The following CNTN5 variants were observed in gnomAD, a reference collection of about 807,000 sequenced individuals.
The protein encoded by CNTN5 is contactin-5.
Under a neutral mutation model 129.1 loss-of-function variants are expected in CNTN5, and 77 were observed. The ratio of observed to expected loss-of-function variants is 0.60; its 90% CI spans 0.50 to 0.72. The LOEUF (loss-of-function observed/expected upper bound fraction) is 0.72, where lower values mean the gene tolerates loss of function less well. Among genes scored for constraint, CNTN5 ranks in the 30% least tolerant of loss-of-function variants. The pLI is 0.00. For synonymous variants in CNTN5, 509 were observed against 465.6 expected, an observed-to-expected ratio of 1.09 and a Z score of -1.20; for missense variants, 1,478 against 1,328.8, an observed-to-expected ratio of 1.11 and a Z score of -1.75.
In CNTN5 at chr11:99,552,234, A is replaced by G. The variant is rs954856856; in HGVS notation, c.-70-3911A>G. On this transcript the variant is annotated intron_variant, in intron 2 of 24. Transcript: ENST00000524871. ...TTTTGTGTTTTTTTTTTTGTATTAT[A>G]TTTTGCCAAAAAATTTATTTCCTAG... 2.8e-5 allele frequency among the ~76,000 whole-genome samples: 4 copies of G among 140,586 alleles called. No individual in the cohort carries two copies. In the Admixed American group the frequency reaches 2.9e-4, roughly 10 times the overall value. 92.2% of individuals were successfully genotyped at this position (140,586 alleles called of 152,430 possible). A position where few individuals can be genotyped will look rare whatever the true frequency, so the allele number is the denominator to read the frequency against.
intron 13 of CNTN5, among the ~76,000 whole-genome samples, chr11:100,103,698 A>C (rs1945309693): frequency 6.6e-6 from 1 of 152,146 alleles, no homozygotes; most frequent in Admixed American, 6.6e-5. Flanking sequence ...GAAGAGAAGA[A>C]TCTATTCTAA....
intron 1 of CNTN5, among the ~76,000 whole-genome samples, chr11:99,275,662 A>G (rs1321853725): frequency 6.6e-6 from 1 of 151,684 alleles, no homozygotes; most frequent in African/African-American, 2.4e-5. Context: ...GCTCTCTCAC[A>G]TGACTTGGGC....
At chr11:100,274,748 AG>A (rs1950473232) in intron 18 of CNTN5, among the ~76,000 whole-genome samples, 1 of 152,246 alleles carries the variant, frequency 6.6e-6, no homozygotes, top group African/African-American at 2.4e-5. Context: ...GATGCTGGCA[AG>A]GTTGCAGAGA....
intron 1 of CNTN5, among the ~76,000 whole-genome samples, chr11:99,076,451 TAC>T (rs1191927827): frequency 6.6e-6 from 1 of 151,580 alleles, no homozygotes; most frequent in Admixed American, 6.6e-5. Flanking sequence ...AAACCACAAA[TAC>T]ACACACACAC....
chr11:99,152,386 C>A (rs1860108211), intron 1 of CNTN5, among the ~76,000 whole-genome samples: 1 of 152,154 alleles, frequency 6.6e-6, no homozygotes, highest in Non-Finnish European at 1.5e-5. Flanking sequence ...TATTCCATTA[C>A]CATTATATAA....
chr11:99,935,868 A>G (rs1303057823), intron 7 of CNTN5, among the ~76,000 whole-genome samples: 2 of 152,172 alleles, frequency 1.3e-5, no homozygotes, highest in African/African-American at 2.4e-5. Context: ...TCTTCTGTAG[A>G]GGAGGTTGTG....
rs546469969 is a variant in CNTN5 at position 99,963,633 on chromosome 11, C to T, written c.877+6624C>T. Among the ~76,000 whole-genome samples the T allele has an allele frequency of 5.7e-4, 86 of 152,162 alleles. 1 individual carries two copies. The highest frequency in any genetic ancestry group is 1.0e-3 in the South Asian group (5 of 4,818). On this transcript the variant is annotated intron_variant, in intron 8 of 24. Coordinates refer to ENST00000524871, the MANE Select transcript of CNTN5 (RefSeq NM_014361.4). Reference sequence around the variant, plus strand: ...TTCTTTTGGCTTAGGATTGACTTGGCGATGCGGGCTCTTTTTTGGTTCCAT... The same window carrying T: ...TTCTTTTGGCTTAGGATTGACTTGGTGATGCGGGCTCTTTTTTGGTTCCAT...
chr11:99,497,677 C>G (rs2135372110), intron 2 of CNTN5, among the ~76,000 whole-genome samples: 1 of 152,194 alleles, frequency 6.6e-6, no homozygotes, highest in East Asian at 1.9e-4. Context: ...TGAAAATAAA[C>G]TCTGCTAGAT....
intron 2 of CNTN5, among the ~76,000 whole-genome samples, chr11:99,450,255 GAAATATATAT>G (rs1470239204): frequency 3.5e-5 from 2 of 57,450 alleles, no homozygotes; most frequent in Non-Finnish European, 6.7e-5. Flanking sequence ...ATTGCTGGTA[GAAATATATAT>G]ATATATATAT....
intron 9 of CNTN5, among the ~76,000 whole-genome samples, chr11:100,019,660 A>G (rs1365136160): frequency 6.6e-6 from 1 of 152,026 alleles, no homozygotes; most frequent in Non-Finnish European, 1.5e-5. Flanking sequence ...ACAGGAATGC[A>G]GATATCTTTA....
intron 1 of CNTN5, among the ~76,000 whole-genome samples, chr11:99,118,415 G>T (rs184792306): frequency 1.3e-5 from 2 of 152,090 alleles, no homozygotes; most frequent in African/African-American, 4.8e-5. Flanking sequence ...CTTTAATACT[G>T]TTAATCAGTA....
intron 13 of CNTN5, among the ~76,000 whole-genome samples, chr11:100,154,801 GT>G (rs1947183543): frequency 6.6e-6 from 1 of 152,060 alleles, no homozygotes; most frequent in African/African-American, 2.4e-5. Flanking sequence ...TCATATGTTT[GT>G]TGGCTGCATA....
At chr11:100,083,347 G>T (rs1944432384) in intron 13 of CNTN5, among the ~76,000 whole-genome samples, 1 of 149,840 alleles carries the variant, frequency 6.7e-6, no homozygotes, top group African/African-American at 2.5e-5. Flanking sequence ...GATGGGAAGA[G>T]GTCCCAGAGT....
At chr11:99,812,963 T>G (rs1290322907) in intron 3 of CNTN5, among the ~76,000 whole-genome samples, 1 of 152,124 alleles carries the variant, frequency 6.6e-6, no homozygotes, top group African/African-American at 2.4e-5. Context: ...TAATTTTGTT[T>G]GTTTAATGTT....
At chr11:100,069,918 A>G (rs1051780977) in intron 10 of CNTN5, among the ~76,000 whole-genome samples, 3 of 152,160 alleles carry the variant, frequency 2.0e-5, no homozygotes, top group Non-Finnish European at 2.9e-5. Context: ...AAATAAAAAA[A>G]TTATATTGCA....
chr11:99,376,639 C>T (rs931084312), intron 2 of CNTN5, among the ~76,000 whole-genome samples: 1 of 152,084 alleles, frequency 6.6e-6, no homozygotes, highest in Non-Finnish European at 1.5e-5. Flanking sequence ...TGTACTTATG[C>T]CAAATGGCAG....
chr11:100,086,785 A>T lies in CNTN5; in HGVS notation c.1580+12491A>T, dbSNP rs1944574391. On this transcript the variant is annotated intron_variant, in intron 13 of 24. Coordinates refer to ENST00000524871, the MANE Select transcript of CNTN5 (RefSeq NM_014361.4). Reference sequence around the variant, plus strand: ...ACTTGTTTAACTATATCAATACAAGAAAAACAGACTATACAAGAAGGAATA... The same window carrying T: ...ACTTGTTTAACTATATCAATACAAGTAAAACAGACTATACAAGAAGGAATA... 2.6e-5 allele frequency among the ~76,000 whole-genome samples: 4 copies of T among 151,672 alleles called. No individual in the cohort carries two copies. The South Asian group carries it at 8.3e-4, about 31-fold the overall frequency.
intron 1 of CNTN5, among the ~76,000 whole-genome samples, chr11:99,207,095 T>G (rs1247996010): frequency 6.6e-6 from 1 of 152,130 alleles, no homozygotes; most frequent in African/African-American, 2.4e-5. Context: ...CTAATTATTT[T>G]TATTTGCTCT....
Position 99,243,077 on chromosome 11 carries a change from T to C in CNTN5, c.-209-82269T>C, listed in dbSNP as rs1267890952. 3.3e-5 allele frequency among the ~76,000 whole-genome samples: 5 copies of C among 152,180 alleles called. No individual in the cohort carries two copies. In the East Asian group the frequency reaches 9.6e-4, roughly 29 times the overall value. On this transcript the variant is annotated intron_variant, in intron 1 of 24. Coordinates refer to ENST00000524871, the MANE Select transcript of CNTN5 (RefSeq NM_014361.4). ...TCTCCAAACTGCTTTCCATAGTGGCTGAACTAATTTACGTTCTCACAACAG... is the reference window on the plus strand; with the variant it reads ...TCTCCAAACTGCTTTCCATAGTGGCCGAACTAATTTACGTTCTCACAACAG...
Sources: gnomAD v4.1 joint callset for allele counts (sites outside exome capture counted in the v4.1 genomes callset) on GRCh38, gnomAD v4.1.1 for gene constraint, MANE v1.5 for transcripts, NCBI Gene and HGNC (gene_info 2026-07-23, HGNC 2026-07-21) for gene names.